Variants in IKZF2 observed in about 807,000 individuals in gnomAD.
The protein encoded by IKZF2 is zinc finger protein Helios.
IKZF2 carries 15 observed loss-of-function variants against 49.2 expected under a neutral mutation model. The ratio of observed to expected loss-of-function variants is 0.30; its 90% CI spans 0.20 to 0.47. The LOEUF (loss-of-function observed/expected upper bound fraction) is 0.47. Ranked by LOEUF, IKZF2 falls within the 20% of genes least tolerant of loss-of-function variation. The pLI is 1.00. For synonymous variants in IKZF2, 227 were observed against 221.4 expected (o/e 1.03, Z -0.23); for missense variants, 567 against 664.6 (o/e 0.85, Z 1.61).
At chr2:213,143,358 G>A (rs1399107158) in intron 4 of IKZF2, among the ~76,000 whole-genome samples, 2 of 151,916 alleles carry the variant, frequency 1.3e-5, no homozygotes, top group African/African-American at 2.4e-5. Context: ...TTAATTCTCA[G>A]TACTAAGCAG....
At chr2:213,093,965 A>C (rs949939500) in intron 4 of IKZF2, among the ~76,000 whole-genome samples, 5 of 152,224 alleles carry the variant, frequency 3.3e-5, no homozygotes, top group Non-Finnish European at 7.4e-5. Context: ...AGGAGGAATT[A>C]CTTGAAATAT....
intron 4 of IKZF2, among the ~76,000 whole-genome samples, chr2:213,065,854 A>C (rs1702112424): frequency 1.3e-5 from 2 of 152,114 alleles, no homozygotes; most frequent in Admixed American, 6.6e-5. Flanking sequence ...CAATATGTTA[A>C]AGAATGATAC....
intron 5 of IKZF2, among the ~76,000 whole-genome samples, chr2:213,056,142 CA>C (rs1320794135): frequency 6.6e-6 from 1 of 152,064 alleles, no homozygotes; most frequent in East Asian, 1.9e-4. Flanking sequence ...TTAGTTTTCA[CA>C]AAAAACTTTT....
At chr2:213,014,072 G>A in intron 7 of IKZF2, 138 bp from the exon 8 acceptor site, 1 of 682,298 alleles carries the variant, frequency 1.5e-6, no homozygotes, top group Non-Finnish European at 2.5e-6. Context: ...ATACCCTCTA[G>A]TGTGAAAGTA....
At chr2:213,108,205 T>C (rs1454011055) in intron 4 of IKZF2, among the ~76,000 whole-genome samples, 2 of 152,234 alleles carry the variant, frequency 1.3e-5, no homozygotes, top group East Asian at 3.9e-4. Flanking sequence ...CTATATAAGA[T>C]GTAGAATTAT....
intron 5 of IKZF2, among the ~76,000 whole-genome samples, chr2:213,055,791 T>C (rs1448223754): frequency 6.6e-6 from 1 of 152,154 alleles, no homozygotes; most frequent in Non-Finnish European, 1.5e-5. Context: ...AAAAAGACTT[T>C]GACCTACCTT....
intron 8 of IKZF2, 25 bp downstream of exon 8, chr2:213,013,766 A>T: frequency 2.5e-6 from 4 of 1,593,120 alleles, no homozygotes; most frequent in Non-Finnish European, 3.4e-6. Context: ...CCTTGCAAAG[A>T]AACAAAAGCA....
intron 6 of IKZF2, among the ~76,000 whole-genome samples, chr2:213,039,547 T>C (rs1463912325): frequency 2.0e-5 from 3 of 152,058 alleles, no homozygotes; most frequent in East Asian, 1.9e-4. Context: ...AGTAGTGTTG[T>C]AAAAATCAAC....
intron 4 of IKZF2, among the ~76,000 whole-genome samples, chr2:213,105,966 T>C (rs1278482669): frequency 1.3e-5 from 2 of 152,220 alleles, no homozygotes; most frequent in Non-Finnish European, 2.9e-5. Context: ...AAAATAGATT[T>C]CTTGGGCAAA....
chr2:213,138,199 T>C (rs2060744408), intron 4 of IKZF2, among the ~76,000 whole-genome samples: 1 of 152,088 alleles, frequency 6.6e-6, no homozygotes, highest in Admixed American at 6.5e-5. Context: ...TAACCTTAAA[T>C]GTGCTATATC....
At chr2:213,140,228 T>C (rs1574982384) in intron 4 of IKZF2, among the ~76,000 whole-genome samples, 1 of 151,960 alleles carries the variant, frequency 6.6e-6, no homozygotes, top group Non-Finnish European at 1.5e-5. Flanking sequence ...ATTTTTAAGA[T>C]GGAATTCTGT....
chr2:213,128,063 A>G (rs1242003358), intron 4 of IKZF2, among the ~76,000 whole-genome samples: 1 of 152,204 alleles, frequency 6.6e-6, no homozygotes, highest in Non-Finnish European at 1.5e-5. Context: ...AAATGGTGAA[A>G]TGTGAGGATG....
At chr2:213,048,404 G>C (rs1458037081) in intron 6 of IKZF2, among the ~76,000 whole-genome samples, 1 of 151,942 alleles carries the variant, frequency 6.6e-6, no homozygotes, top group Non-Finnish European at 1.5e-5. Context: ...TGTTCACGAA[G>C]ATCTATTTGT....
Position 213,012,206 on chromosome 2 carries a change from A to G in IKZF2, c.856+1585T>C, listed in dbSNP as rs923716205. 2.1e-3 allele frequency among the ~76,000 whole-genome samples: 317 copies of G among 151,904 alleles called. 5 individuals carry two copies. Among genetic ancestry groups the G allele is most frequent in the Non-Finnish European group, 2.9e-4 (20 of 67,940 alleles). Reference sequence around the variant, plus strand: ...GGATAGAATCCAAATAAAGAAAAATATTCTCTCAAATTCTTAATTAAAAAT... The same window carrying G: ...GGATAGAATCCAAATAAAGAAAAATGTTCTCTCAAATTCTTAATTAAAAAT... On this transcript the variant is annotated intron_variant, in intron 8 of 8. Transcript: ENST00000434687.
At chr2:213,050,630 T>G (rs1700593790) in intron 5 of IKZF2, among the ~76,000 whole-genome samples, 1 of 152,168 alleles carries the variant, frequency 6.6e-6, no homozygotes, top group Admixed American at 6.6e-5. Flanking sequence ...CTGTACATGT[T>G]TTTTGTGAAA....
rs1426999436 is a variant in IKZF2 at position 213,004,398 on chromosome 2, T to C, written c.*2962A>G. The C allele has an allele frequency of 1.3e-5, 2 of 151,914 alleles. No homozygotes were observed. Among genetic ancestry groups the C allele is most frequent in the Non-Finnish European group, 2.9e-5 (2 of 67,882 alleles). 9.4% of individuals were successfully genotyped at this position (151,914 alleles called of 1,614,324 possible). The stretch of plus-strand genomic sequence containing the variant: ...CAATTAGAATGGCTTTTGAGCATGA[T>C]TCATCACTGTCAGAGAGAGGCTAAG... On this transcript the variant is annotated 3_prime_UTR_variant, in exon 9 of 9. Transcript: ENST00000434687.
chr2:213,053,186 C>T (rs1249109065), intron 5 of IKZF2, among the ~76,000 whole-genome samples: 1 of 152,068 alleles, frequency 6.6e-6, no homozygotes, highest in Non-Finnish European at 1.5e-5. Flanking sequence ...ACTAATCTTT[C>T]CCCTGGTAGG....
At chr2:213,114,676 A>G (rs2059812791) in intron 4 of IKZF2, among the ~76,000 whole-genome samples, 1 of 152,136 alleles carries the variant, frequency 6.6e-6, no homozygotes, top group Non-Finnish European at 1.5e-5. Context: ...GCTCACTCCT[A>G]TAATCCCAGC....
At chr2:213,082,080 A>G (rs568243891) in intron 4 of IKZF2, among the ~76,000 whole-genome samples, 1 of 152,338 alleles carries the variant, frequency 6.6e-6, no homozygotes, top group South Asian at 2.1e-4. Flanking sequence ...GAGGCTGACT[A>G]CAAGTTACCC....
Sources: allele counts gnomAD v4.1 joint callset (sites outside exome capture counted in the v4.1 genomes callset), GRCh38; gene constraint gnomAD v4.1.1; transcripts MANE v1.5; gene names NCBI Gene and HGNC (gene_info 2026-07-23, HGNC 2026-07-21).